Variants in PSMC5 observed in about 807,000 individuals in gnomAD.
PSMC5 encodes the protein proteasome 26S subunit, ATPase 5.
In PSMC5, 11 loss-of-function variants were observed where a neutral mutation model predicts 49.1. That is an observed-to-expected ratio of 0.22 (90% confidence interval 0.14 to 0.37). The LOEUF is 0.37. Among genes scored for constraint, PSMC5 ranks in the 10% least tolerant of loss-of-function variants. The pLI is 1.00. For missense variants in PSMC5, 229 were observed against 520.9 expected, an observed-to-expected ratio of 0.44 and a Z score of 5.45; for synonymous variants, 206 against 192.2, an observed-to-expected ratio of 1.07 and a Z score of -0.59.
At position 63,831,356 on chromosome 17, in the gene PSMC5, C is replaced by A; in HGVS notation, c.900C>A (p.Ile300=). 2 of 1,614,038 alleles carry A rather than the reference C, an allele frequency of 1.2e-6. No homozygotes were observed. Among genetic ancestry groups the A allele is most frequent in the Non-Finnish European group, 8.5e-7 (1 of 1,180,024 alleles). ...KVIMATNRID[I]LDSALLRPGR... ...TCATGGCTACTAATAGGATTGATAT[C>A]CTGGACTCGGCACTGCTTCGCCCAG... The change falls in exon 9 of 12, where the codon ATC becomes ATA. Residue 300 remains isoleucine (I), a synonymous_variant. Coordinates refer to ENST00000310144, the MANE Select transcript of PSMC5 (RefSeq NM_002805.6). The surrounding 1 kb of genome is among the most constrained non-coding windows in gnomAD (Gnocchi z 6.3).
intron 2 of PSMC5, 188 bp from the exon 3 acceptor site, chr17:63,829,306 G>T: frequency 1.7e-6 from 1 of 581,334 alleles, no homozygotes. Context: ...GATGGCTGCT[G>T]TAAGGTCCAG....
intron 2 of PSMC5, chr17:63,828,484 C>A: frequency 3.1e-6 from 1 of 322,942 alleles, no homozygotes; most frequent in Non-Finnish European, 5.7e-6. Flanking sequence ...AAAGGTCAAC[C>A]CTTTTGGAAG....
In PSMC5 at chr17:63,831,635, G is replaced by A. The variant is rs1342977112; in HGVS notation, c.1080+19G>A. Reference sequence around the variant, plus strand: ...AGTGAAGGTAATTGGAGTACCCACTGAAAACAGGGCAGAGGCAGGAAGCTC... The same window carrying A: ...AGTGAAGGTAATTGGAGTACCCACTAAAAACAGGGCAGAGGCAGGAAGCTC... On this transcript the variant is annotated intron_variant, in intron 10 of 11. Coordinates refer to ENST00000310144, the MANE Select transcript of PSMC5 (RefSeq NM_002805.6). The surrounding 1 kb of genome is among the most constrained non-coding windows in gnomAD (Gnocchi z 6.3). 4.3e-6 allele frequency: 7 copies of A among 1,613,624 alleles called. No homozygotes were observed. Among genetic ancestry groups the A allele is most frequent in the Non-Finnish European group, 5.9e-6 (7 of 1,179,640 alleles).
intron 2 of PSMC5, chr17:63,829,162 T>G (rs1598353715): frequency 3.5e-6 from 1 of 287,444 alleles, no homozygotes; most frequent in African/African-American, 2.2e-5. Flanking sequence ...AGAACTCAGG[T>G]TTCTCACCTA....
In PSMC5 at chr17:63,829,462, G is replaced by C. The variant is rs767061807; in HGVS notation, c.97-32G>C. 4 of 1,549,032 alleles carry C rather than the reference G, an allele frequency of 2.6e-6. No individual in the cohort carries two copies. The South Asian group carries it at 4.8e-5, about 18-fold the overall frequency. On this transcript the variant is annotated intron_variant, in intron 2 of 11. Transcript: ENST00000310144. ...CTACCTCCTCCTGTCTCCTGCCCTT[G>C]AATAATGGAATTTGTCTCTTGTCTG...
rs368075128 is a variant in PSMC5 at position 63,830,533 on chromosome 17, G to A, written c.552+32G>A. On this transcript the variant is annotated intron_variant, in intron 6 of 11. Transcript: ENST00000310144. This position sits in a 1 kb window ranked among gnomAD's most constrained non-coding sequence, Gnocchi z 4.0. ...AGCAGGGCTTCTCTGAGAGGGCCAA[G>A]CTGTACTTACTCCTCCTGCCCCAGC... 2.5e-6 allele frequency: 4 copies of A among 1,609,750 alleles called. No individual in the cohort carries two copies. Among genetic ancestry groups the A allele is most frequent in the Non-Finnish European group, 3.4e-6 (4 of 1,178,606 alleles).
At position 63,828,035 on chromosome 17, in the gene PSMC5, A is replaced by G; in HGVS notation, c.25-103A>G. The G allele has an allele frequency of 2.8e-6, 4 of 1,426,732 alleles. No individual in the cohort carries two copies. In the East Asian group the frequency reaches 9.3e-5, roughly 33 times the overall value. 88.4% of individuals were successfully genotyped at this position (1,426,732 alleles called of 1,614,324 possible). ...CTCCGAAGTCCAAACTTTTTCTACT[A>G]CGCAAAGCTACCTGGTGTCAAGCCT... On this transcript the variant is annotated intron_variant, in intron 1 of 11. Coordinates refer to ENST00000310144, the MANE Select transcript of PSMC5 (RefSeq NM_002805.6).
Position 63,830,230 on chromosome 17 carries a change from C to T in PSMC5, c.321+41C>T. The T allele has an allele frequency of 6.2e-7, 1 of 1,613,786 alleles. No individual in the cohort carries two copies. Among genetic ancestry groups the T allele is most frequent in the Non-Finnish European group, 8.5e-7 (1 of 1,179,856 alleles). ...GAGGTGGTGGTGGTGGTGGGGTCAG[C>T]TCTTACTGTACCACTTCTGAAACTC... On this transcript the variant is annotated intron_variant, in intron 5 of 11. Coordinates refer to ENST00000310144, the MANE Select transcript of PSMC5 (RefSeq NM_002805.6). The surrounding 1 kb of genome is among the most constrained non-coding windows in gnomAD (Gnocchi z 4.0).
rs1567758220 is a variant in PSMC5, at chr17:63,831,135, AG to A, written c.785del (p.Gly262ValfsTer68). ...GACTCCATCGGCTCCTCGCGGCTGG[AG>A]GGGGGTTCTGGAGGGGACAGTGAAG... ...EIDSIGSSRL[E>X]GGSGGDSEVQ... On this transcript the variant is annotated frameshift_variant, in exon 8 of 12. Coordinates refer to ENST00000310144, the MANE Select transcript of PSMC5 (RefSeq NM_002805.6). LOFTEE classifies it high-confidence loss of function. The surrounding 1 kb of genome is among the most constrained non-coding windows in gnomAD (Gnocchi z 6.3). 2.6e-6 allele frequency: 4 copies of A among 1,566,892 alleles called. No homozygotes were observed. The highest frequency in any genetic ancestry group is 2.6e-6 in the Non-Finnish European group (3 of 1,155,978).
In PSMC5 at chr17:63,830,734, C is replaced by A; in HGVS notation, c.553-75C>A. 6.4e-7 allele frequency: 1 copy of A among 1,571,386 alleles called. No individual in the cohort carries two copies. Among genetic ancestry groups the A allele is most frequent in the Non-Finnish European group, 8.7e-7 (1 of 1,156,026 alleles). On this transcript the variant is annotated intron_variant, in intron 6 of 11. Transcript: ENST00000310144. The surrounding 1 kb of genome is among the most constrained non-coding windows in gnomAD (Gnocchi z 4.0). ...TATCCCTAACATCTAGCAAGGGACC[C>A]AGCACTCGGTAAATGTTCACTGAAT...
chr17:63,830,014 G>T lies in PSMC5; in HGVS notation c.264+65G>T, dbSNP rs2040163100. The T allele has an allele frequency of 6.4e-7, 1 of 1,565,634 alleles. No homozygotes were observed. Among genetic ancestry groups the T allele is most frequent in the Non-Finnish European group, 8.7e-7 (1 of 1,150,424 alleles). Reference sequence around the variant, plus strand: ...CTGCATTCCCACCCCTTTGTGTGTAGCCTCGGGAGACAGGGTTCTGTGTTC... The same window carrying T: ...CTGCATTCCCACCCCTTTGTGTGTATCCTCGGGAGACAGGGTTCTGTGTTC... On this transcript the variant is annotated intron_variant, in intron 4 of 11. Coordinates refer to ENST00000310144, the MANE Select transcript of PSMC5 (RefSeq NM_002805.6). The surrounding 1 kb of genome is among the most constrained non-coding windows in gnomAD (Gnocchi z 4.0).
In PSMC5 at chr17:63,831,294, T is replaced by C. The variant is rs537012486; in HGVS notation, c.871-33T>C. ...GGTGCCACGCAGGCTGAGGAAGAGG[T>C]TTAGCTGATCCCCACTTGCTTTCTC... On this transcript the variant is annotated intron_variant, in intron 8 of 11. Coordinates refer to ENST00000310144, the MANE Select transcript of PSMC5 (RefSeq NM_002805.6). This position sits in a 1 kb window ranked among gnomAD's most constrained non-coding sequence, Gnocchi z 6.3. 2.7e-5 allele frequency: 43 copies of C among 1,612,686 alleles called. No homozygotes were observed. In the South Asian group the frequency reaches 4.3e-4, roughly 16 times the overall value.
At chr17:63,829,785 C>T (rs937098684) in intron 3 of PSMC5, 67 bp from the exon 4 acceptor site, 52 of 1,500,338 alleles carry the variant, frequency 3.5e-5, no homozygotes, top group African/African-American at 1.1e-4. Flanking sequence ...AGCTCATGCA[C>T]GTAGAATTGG....
rs1258582952 is a variant in PSMC5 at position 63,827,445 on chromosome 17, G to A, written c.-46G>A. 4 of 1,551,600 alleles carry A rather than the reference G, an allele frequency of 2.6e-6. No homozygotes were observed. Among genetic ancestry groups the A allele is most frequent in the Non-Finnish European group, 2.6e-6 (3 of 1,147,008 alleles). ...CCCAATCCTCCGCTTCCGCGCTTGC[G>A]CGCCAAGACGGCTCGGATGCCGGCG... On this transcript the variant is annotated 5_prime_UTR_variant, in exon 1 of 12. Coordinates refer to ENST00000310144, the MANE Select transcript of PSMC5 (RefSeq NM_002805.6).
At chr17:63,828,042 GCTAC>G (rs771991795) in intron 1 of PSMC5, 92 bp from the exon 2 acceptor site, 260 of 1,455,222 alleles carry the variant, frequency 1.8e-4, no homozygotes, top group Non-Finnish European at 2.2e-4. Flanking sequence ...ACTACGCAAA[GCTAC>G]CTGGTGTCAA....
Position 63,827,489 on chromosome 17 carries a change from A to G in PSMC5, c.-2A>G. On this transcript the variant is annotated 5_prime_UTR_variant, in exon 1 of 12. Transcript: ENST00000310144. ...GCCGGCGGTCTCTGCTGAAGAGAGA[A>G]GATGGCGCTTGACGGACCAGAGCAG... 1 of 1,551,720 alleles carries G rather than the reference A, an allele frequency of 6.4e-7. No individual in the cohort carries two copies. Among genetic ancestry groups the G allele is most frequent in the Non-Finnish European group, 8.7e-7 (1 of 1,146,996 alleles).
In PSMC5 at chr17:63,831,327, G is replaced by C. The variant is rs1453376752; in HGVS notation, c.871G>C (p.Val291Leu). The change falls in exon 9 of 12, where the codon GTT becomes CTT. Residue 291 changes from valine (V) to leucine (L), a missense_variant and splice_region_variant. By Grantham distance (32) the Val-to-Leu change is conservative. Around this residue, in one of 4 missense-constraint regions of PSMC5, gnomAD observed 121 missense variants for 330.6 expected, o/e 0.37. Transcript: ENST00000310144. The surrounding 1 kb of genome is among the most constrained non-coding windows in gnomAD (Gnocchi z 6.3). Reference protein sequence around the residue: ...DGFEATKNIKVIMATNRIDIL... With the variant: ...DGFEATKNIKLIMATNRIDIL... ...ATCCCCACTTGCTTTCTCTGCTCAG[G>C]TTATCATGGCTACTAATAGGATTGA... 1 of 1,613,944 alleles carries C rather than the reference G, an allele frequency of 6.2e-7. No individual in the cohort carries two copies. The highest frequency in any genetic ancestry group is 8.5e-7 in the Non-Finnish European group (1 of 1,179,992).
Position 63,830,456 on chromosome 17 carries a change from T to TAA in PSMC5, c.508_509dup (p.His171SerfsTer55). The TAA allele has an allele frequency of 6.2e-7, 1 of 1,614,184 alleles. No individual in the cohort carries two copies. The highest frequency in any genetic ancestry group is 8.5e-7 in the Non-Finnish European group (1 of 1,180,044). ...TCAAAGAAGTGATCGAGCTGCCTGT[T>TAA]AAGCATCCTGAGCTCTTCGAAGCAC... On this transcript the variant is annotated frameshift_variant, in exon 6 of 12. Coordinates refer to ENST00000310144, the MANE Select transcript of PSMC5 (RefSeq NM_002805.6). LOFTEE classifies it high-confidence loss of function. This position sits in a 1 kb window ranked among gnomAD's most constrained non-coding sequence, Gnocchi z 4.0.
At chr17:63,827,788 A>C (rs866263756) in intron 1 of PSMC5, 2 of 1,430,000 alleles carry the variant, frequency 1.4e-6, no homozygotes, top group African/African-American at 2.9e-5. Context: ...AGGAGACGGG[A>C]CGCCAGTCCT....
Sources: gnomAD v4.1 joint callset for allele counts on GRCh38, gnomAD v4.1.1 for gene constraint, gnomAD v4.1.1 regional missense constraint, Gnocchi (gnomAD v3.1) non-coding constraint, MANE v1.5 for transcripts, NCBI Gene and HGNC (gene_info 2026-07-23, HGNC 2026-07-21) for gene names.